Variants in DNAI4 observed in about 807,000 individuals in gnomAD.
The protein encoded by DNAI4 is dynein axonemal intermediate chain 4.
Under a neutral mutation model 105.8 loss-of-function variants are expected in DNAI4, and 85 were observed. The ratio of observed to expected loss-of-function variants is 0.80; its 90% CI spans 0.67 to 0.96. The LOEUF is 0.96. Ranked by LOEUF, DNAI4 falls within the 40% of genes least tolerant of loss-of-function variation. The pLI is 0.00. For synonymous variants in DNAI4, 352 were observed against 331.5 expected (o/e 1.06, Z -0.67); for missense variants, 1,014 against 1,005.6 (o/e 1.01, Z -0.11).
intron 4 of DNAI4, among the ~76,000 whole-genome samples, chr1:66,879,241 GT>G (rs1647017913): frequency 6.6e-6 from 1 of 152,098 alleles, no homozygotes; most frequent in African/African-American, 2.4e-5. Context: ...TGTTTCTATA[GT>G]TTTGCCTTTC....
chr1:66,828,477 T>C (rs1645800803), intron 13 of DNAI4: 1 of 152,074 alleles, frequency 6.6e-6, no homozygotes, highest in African/African-American at 2.4e-5. Context: ...GTTGCCATTC[T>C]ATTAGATGTA....
At chr1:66,893,034 G>A (rs1297117369) in intron 3 of DNAI4, among the ~76,000 whole-genome samples, 195 bp downstream of exon 3, 5,639 of 90,904 alleles carry the variant, frequency 0.062, 337 homozygotes, top group African/African-American at 0.1. Flanking sequence ...AAGAAAGAGA[G>A]GAAAGAAAGA....
At chr1:66,921,372 T>C (rs537939216) in intron 1 of DNAI4, 1 of 152,332 alleles carries the variant, frequency 6.6e-6, no homozygotes, top group South Asian at 2.1e-4. Context: ...ATTTGCTTCA[T>C]GAGATCCTTT....
chr1:66,850,359 T>C (rs1405028454), intron 7 of DNAI4, among the ~76,000 whole-genome samples: 3 of 151,862 alleles, frequency 2.0e-5, no homozygotes, highest in African/African-American at 4.8e-5. Context: ...ACCCAGTGAA[T>C]TATCCTATAG....
intron 13 of DNAI4, among the ~76,000 whole-genome samples, chr1:66,829,636 C>T (rs1645827041): frequency 1.3e-5 from 2 of 152,240 alleles, no homozygotes; most frequent in East Asian, 1.9e-4. Flanking sequence ...GACTTTATTA[C>T]CTCTTTCTCA....
chr1:66,822,993 G>T (rs1354914767), intron 15 of DNAI4, among the ~76,000 whole-genome samples: 2 of 151,840 alleles, frequency 1.3e-5, no homozygotes, highest in Admixed American at 6.6e-5. Context: ...GTGCCATGCT[G>T]GTGCGCTGCA....
intron 2 of DNAI4, among the ~76,000 whole-genome samples, chr1:66,900,907 A>G (rs1445908268): frequency 3.9e-5 from 6 of 152,164 alleles, no homozygotes; most frequent in African/African-American, 1.2e-4. Flanking sequence ...TCTAATTTAC[A>G]TGCCTAGAAC....
chr1:66,816,290 C>T (rs1012189280), intron 16 of DNAI4, among the ~76,000 whole-genome samples: 2 of 152,034 alleles, frequency 1.3e-5, no homozygotes, highest in Non-Finnish European at 2.9e-5. Context: ...TTCCCTTTCC[C>T]TCACGTCCCG....
intron 6 of DNAI4, among the ~76,000 whole-genome samples, chr1:66,870,467 C>T (rs949959500): frequency 6.6e-4 from 85 of 128,986 alleles, no homozygotes; most frequent in African/African-American, 2.5e-3. Flanking sequence ...AAGAATATAA[C>T]CAGCTGGGCA....
chr1:66,845,691 T>C (rs60016718), intron 8 of DNAI4, among the ~76,000 whole-genome samples: 12,550 of 152,208 alleles, frequency 0.082, 711 homozygotes, highest in African/African-American at 0.16. Flanking sequence ...AATGAACTAC[T>C]TATACATGCA....
chr1:66,833,867 A>G, intron 12 of DNAI4, 124 bp downstream of exon 12: 1 of 1,389,032 alleles, frequency 7.2e-7, no homozygotes, highest in Non-Finnish European at 9.6e-7. Flanking sequence ...GCTTAGAAAA[A>G]CCATGACCAA....
At chr1:66,850,672 A>T (rs1646377473) in intron 7 of DNAI4, among the ~76,000 whole-genome samples, 1 of 152,034 alleles carries the variant, frequency 6.6e-6, no homozygotes. Context: ...TTATATATCT[A>T]AATATCTTTC....
intron 4 of DNAI4, among the ~76,000 whole-genome samples, chr1:66,880,999 G>T (rs930821194): frequency 6.6e-6 from 1 of 152,198 alleles, no homozygotes; most frequent in African/African-American, 2.4e-5. Flanking sequence ...TCAAGCTATG[G>T]CTTCAGAGGG....
chr1:66,904,033 A>T (rs1200004580), intron 2 of DNAI4, among the ~76,000 whole-genome samples: 1 of 151,724 alleles, frequency 6.6e-6, no homozygotes, highest in Admixed American at 6.6e-5. Flanking sequence ...ATATATACAT[A>T]TGCATATATA....
chr1:66,879,483 C>T (rs1647022722), intron 4 of DNAI4, among the ~76,000 whole-genome samples: 1 of 152,154 alleles, frequency 6.6e-6, no homozygotes, highest in South Asian at 2.1e-4. Context: ...GATTCAGCTG[C>T]TAGAAACTTT....
rs533234860 is a variant in DNAI4 at position 66,831,780 on chromosome 1, G to A, written c.2013+1805C>T. ...ACTGGAGGTTGTAACCAGTGCAATC[G>A]TACAAGAAAGAGAAATAAAGGCAAG... On this transcript the variant is annotated intron_variant, in intron 13 of 16. Transcript: ENST00000371026. 1.6e-4 allele frequency among the ~76,000 whole-genome samples: 25 copies of A among 152,196 alleles called. No individual in the cohort carries two copies. The South Asian group carries it at 2.3e-3, about 14-fold the overall frequency.
rs1647549427 is a variant in DNAI4, at chr1:66,890,789, G to A, written c.643+365C>T. 6.8e-6 allele frequency: 2 copies of A among 292,098 alleles called. No individual in the cohort carries two copies. Among genetic ancestry groups the A allele is most frequent in the Non-Finnish European group, 1.3e-5 (2 of 154,266 alleles). 18.1% of individuals were successfully genotyped at this position (292,098 alleles called of 1,614,324 possible). A position where few individuals can be genotyped will look rare whatever the true frequency, so the allele number is the denominator to read the frequency against. On this transcript the variant is annotated intron_variant, in intron 4 of 16. Transcript: ENST00000371026. The surrounding 1 kb of genome is among the most constrained non-coding windows in gnomAD (Gnocchi z 4.1). Reference sequence around the variant, plus strand: ...AGAGGAAGAAGAGGAAGAGGAGGAAGAAGAAGTGAGGAAGAAGAGGAAAAG... The same window carrying A: ...AGAGGAAGAAGAGGAAGAGGAGGAAAAAGAAGTGAGGAAGAAGAGGAAAAG...
intron 4 of DNAI4, among the ~76,000 whole-genome samples, chr1:66,878,383 C>T (rs1475211441): frequency 6.6e-6 from 1 of 152,004 alleles, no homozygotes; most frequent in Non-Finnish European, 1.5e-5. Flanking sequence ...TTGAGCACTT[C>T]TTTACTTGCT....
At chr1:66,842,240 T>C (rs2100490009) in intron 8 of DNAI4, among the ~76,000 whole-genome samples, 2 of 152,338 alleles carry the variant, frequency 1.3e-5, no homozygotes, top group Admixed American at 1.3e-4. Context: ...GGCATCTTGG[T>C]TGCTTCCAAG....
Sources: allele counts gnomAD v4.1 joint callset (sites outside exome capture counted in the v4.1 genomes callset), GRCh38; gene constraint gnomAD v4.1.1; non-coding constraint Gnocchi (gnomAD v3.1); transcripts MANE v1.5; gene names NCBI Gene and HGNC (gene_info 2026-07-23, HGNC 2026-07-21).